ST6GALNAC5: variants seen among roughly 807,000 people sequenced by gnomAD.
ST6GALNAC5 encodes ST6 N-acetylgalactosaminide alpha-2,6-sialyltransferase 5.
ST6GALNAC5 carries 27 observed loss-of-function variants against 33.6 expected under a neutral mutation model. That is an observed-to-expected ratio of 0.80 (90% CI 0.59 to 1.11). The LOEUF is 1.11. ST6GALNAC5 is among the 50% of genes least tolerant of loss of function. The pLI is 0.00. For synonymous variants in ST6GALNAC5, 194 were observed against 171.2 expected (o/e 1.13, Z -1.04); for missense variants, 428 against 454.0 (o/e 0.94, Z 0.52).
chr1:76,952,252 G>T (rs547820625), intron 2 of ST6GALNAC5, among the ~76,000 whole-genome samples: 3 of 152,040 alleles, frequency 2.0e-5, no homozygotes, highest in Non-Finnish European at 4.4e-5. Context: ...TGGAAAGAGA[G>T]GTACCGTAGC....
At position 76,867,660 on chromosome 1, in the gene ST6GALNAC5, A is replaced by G. The variant is rs1653371334; in HGVS notation, c.-16A>G. ...ACGCGCGAGCCTGAGGATTCTGCACAAAAGAGGTGCCCAAAATGAAGACCC... is the reference window on the plus strand; with the variant it reads ...ACGCGCGAGCCTGAGGATTCTGCACGAAAGAGGTGCCCAAAATGAAGACCC... On this transcript the variant is annotated 5_prime_UTR_variant, in exon 1 of 5. Transcript: ENST00000477717. 13 of 1,613,984 alleles carry G rather than the reference A, an allele frequency of 8.1e-6. No individual in the cohort carries two copies. Among genetic ancestry groups the G allele is most frequent in the Non-Finnish European group, 1.1e-5 (13 of 1,180,014 alleles).
At chr1:76,973,354 T>G (rs1648841036) in intron 2 of ST6GALNAC5, among the ~76,000 whole-genome samples, 1 of 152,000 alleles carries the variant, frequency 6.6e-6, no homozygotes, top group Non-Finnish European at 1.5e-5. Flanking sequence ...GAGTGGATGT[T>G]GTAGTTCCAG....
chr1:76,975,713 T>C (rs565465747), intron 2 of ST6GALNAC5, among the ~76,000 whole-genome samples: 2 of 152,080 alleles, frequency 1.3e-5, no homozygotes, highest in Non-Finnish European at 2.9e-5. Context: ...AGTTTAAACA[T>C]GAGAAAATTT....
rs1483159570 is a variant in ST6GALNAC5 at position 76,960,442 on chromosome 1, G to A, written c.262-83762G>A. Among the ~76,000 whole-genome samples, 6 of 152,104 alleles carry A rather than the reference G, an allele frequency of 3.9e-5. No homozygotes were observed. The East Asian group carries it at 5.8e-4, about 15-fold the overall frequency. The stretch of plus-strand genomic sequence containing the variant: ...AGATCACAGGACCACAGGACGGGGC[G>A]AAATTAAAATTGCTAATGAAGTTTT... On this transcript the variant is annotated intron_variant, in intron 2 of 4. Transcript: ENST00000477717.
At chr1:77,015,967 C>T (rs573193330) in intron 2 of ST6GALNAC5, among the ~76,000 whole-genome samples, 1 of 152,064 alleles carries the variant, frequency 6.6e-6, no homozygotes, top group Admixed American at 6.5e-5. Context: ...CCTCTGATCC[C>T]AGCATCCTGA....
chr1:77,020,776 C>G (rs1651022608), intron 2 of ST6GALNAC5, among the ~76,000 whole-genome samples: 1 of 152,164 alleles, frequency 6.6e-6, no homozygotes, highest in South Asian at 2.1e-4. Flanking sequence ...ATTATTATCT[C>G]TCAGAATTCT....
At chr1:77,058,311 T>C (rs1652466657) in intron 4 of ST6GALNAC5, among the ~76,000 whole-genome samples, 1 of 152,206 alleles carries the variant, frequency 6.6e-6, no homozygotes, top group Non-Finnish European at 1.5e-5. Context: ...TCCCACCAAA[T>C]CTCATGTTGA....
At chr1:76,883,933 T>C (rs1015070080) in intron 2 of ST6GALNAC5, among the ~76,000 whole-genome samples, 6 of 152,116 alleles carry the variant, frequency 3.9e-5, no homozygotes, top group Non-Finnish European at 7.4e-5. Context: ...GGAGAAGTAT[T>C]ATGGGCTGTG....
chr1:76,940,104 T>G (rs1647297612), intron 2 of ST6GALNAC5, among the ~76,000 whole-genome samples: 1 of 152,096 alleles, frequency 6.6e-6, no homozygotes. Flanking sequence ...AAGCTTGTAC[T>G]TGAGGCCTAA....
At chr1:76,971,781 T>C (rs1039076440) in intron 2 of ST6GALNAC5, among the ~76,000 whole-genome samples, 1 of 152,152 alleles carries the variant, frequency 6.6e-6, no homozygotes, top group African/African-American at 2.4e-5. Flanking sequence ...GTAATCAAAG[T>C]ATAATTTCCA....
chr1:76,921,396 A>G (rs1365390264), intron 2 of ST6GALNAC5, among the ~76,000 whole-genome samples: 1 of 152,156 alleles, frequency 6.6e-6, no homozygotes, highest in Non-Finnish European at 1.5e-5. Context: ...CAACAGAGAA[A>G]AATCAATGAA....
intron 2 of ST6GALNAC5, among the ~76,000 whole-genome samples, chr1:76,984,189 CA>C (rs750796441): frequency 2.0e-5 from 3 of 152,130 alleles, no homozygotes; most frequent in Admixed American, 1.3e-4. Context: ...GATAGAGACA[CA>C]AAAAACCCTT....
At chr1:76,887,179 AAAG>A in intron 2 of ST6GALNAC5, among the ~76,000 whole-genome samples, 1 of 152,326 alleles carries the variant, frequency 6.6e-6, no homozygotes. Context: ...ATAAGGGAGA[AAAG>A]AAGCTATTAA....
intron 2 of ST6GALNAC5, among the ~76,000 whole-genome samples, chr1:76,901,965 C>T (rs901261957): frequency 2.6e-5 from 4 of 152,036 alleles, no homozygotes; most frequent in African/African-American, 9.7e-5. Flanking sequence ...CCTCTTAATT[C>T]CTTTTACATA....
At chr1:77,035,681 T>C (rs1171280765) in intron 2 of ST6GALNAC5, among the ~76,000 whole-genome samples, 2 of 152,166 alleles carry the variant, frequency 1.3e-5, no homozygotes, top group Non-Finnish European at 2.9e-5. Flanking sequence ...AAGATGTTCA[T>C]CATTAGTCAC....
At chr1:76,944,836 A>G (rs1397925691) in intron 2 of ST6GALNAC5, among the ~76,000 whole-genome samples, 1 of 152,066 alleles carries the variant, frequency 6.6e-6, no homozygotes, top group Non-Finnish European at 1.5e-5. Flanking sequence ...TTTGTTTTGG[A>G]TCTGTAGTTA....
At chr1:76,949,323 G>A (rs919021646) in intron 2 of ST6GALNAC5, among the ~76,000 whole-genome samples, 5 of 152,180 alleles carry the variant, frequency 3.3e-5, no homozygotes, top group Non-Finnish European at 5.9e-5. Flanking sequence ...GAAAGATGAT[G>A]TTCTGAACAT....
intron 2 of ST6GALNAC5, among the ~76,000 whole-genome samples, chr1:77,018,691 C>A (rs1299344072): frequency 6.6e-6 from 1 of 152,204 alleles, no homozygotes; most frequent in African/African-American, 2.4e-5. Flanking sequence ...TTTAAAGCCT[C>A]AGTTTTCCGA....
chr1:76,910,318 G>T (rs1646898516), intron 2 of ST6GALNAC5, among the ~76,000 whole-genome samples: 1 of 151,918 alleles, frequency 6.6e-6, no homozygotes, highest in African/African-American at 2.4e-5. Flanking sequence ...CATGGAATTA[G>T]AAAACGCGGG....
Sources: gnomAD v4.1 joint callset for allele counts (sites outside exome capture counted in the v4.1 genomes callset) on GRCh38, gnomAD v4.1.1 for gene constraint, MANE v1.5 for transcripts, NCBI Gene and HGNC (gene_info 2026-07-23, HGNC 2026-07-21) for gene names.